The following GMDS variants were observed in gnomAD, a reference collection of about 807,000 sequenced individuals.
GMDS encodes the protein GDP-mannose 4,6-dehydratase, also known as GDP-mannose 4,6 dehydratase.
Under a neutral mutation model 49.9 loss-of-function variants are expected in GMDS, and 20 were observed. The observed-to-expected ratio is 0.40, with a 90% confidence interval of 0.28 to 0.58. The LOEUF is 0.58. Among genes scored for constraint, GMDS ranks in the 20% least tolerant of loss-of-function variants. GMDS has a pLI of 0.42. For synonymous variants in GMDS, 177 were observed against 178.6 expected, an observed-to-expected ratio of 0.99 and a Z score of 0.07; for missense variants, 362 against 481.4, an observed-to-expected ratio of 0.75 and a Z score of 2.32.
intron 7 of GMDS, among the ~76,000 whole-genome samples, chr6:1,807,866 C>A (rs1770246854): frequency 6.6e-6 from 1 of 152,172 alleles, no homozygotes; most frequent in Admixed American, 6.5e-5. Context: ...GCACAAAAAT[C>A]ACTAACCATG....
At chr6:2,180,448 A>T (rs770409607) in intron 1 of GMDS, among the ~76,000 whole-genome samples, 30 of 152,240 alleles carry the variant, frequency 2.0e-4, no homozygotes, top group Non-Finnish European at 4.1e-4. Context: ...ACTAAGAAAA[A>T]AATGGTTAGC....
intron 7 of GMDS, among the ~76,000 whole-genome samples, chr6:1,834,780 A>G (rs1321462074): frequency 6.6e-6 from 1 of 152,196 alleles, no homozygotes; most frequent in African/African-American, 2.4e-5. Flanking sequence ...AATTAATGTG[A>G]CATTACTCGA....
intron 8 of GMDS, among the ~76,000 whole-genome samples, chr6:1,740,808 C>T (rs1767239780): frequency 6.6e-6 from 1 of 152,050 alleles, no homozygotes; most frequent in Non-Finnish European, 1.5e-5. Flanking sequence ...TATCTATATG[C>T]TATTTTCCAA....
intron 4 of GMDS, among the ~76,000 whole-genome samples, chr6:1,974,962 C>T (rs1434842441): frequency 6.6e-6 from 1 of 151,254 alleles, no homozygotes. Flanking sequence ...TGCTTGAACC[C>T]AGGAGGCAGA....
intron 7 of GMDS, among the ~76,000 whole-genome samples, chr6:1,880,690 C>T (rs772849562): frequency 4.6e-5 from 7 of 152,114 alleles, no homozygotes; most frequent in African/African-American, 9.7e-5. Context: ...TGAAAGCAGA[C>T]GAGCAATATA....
At chr6:1,683,689 C>T (rs1413395970) in intron 9 of GMDS, among the ~76,000 whole-genome samples, 1 of 152,172 alleles carries the variant, frequency 6.6e-6, no homozygotes, top group African/African-American at 2.4e-5. Flanking sequence ...GTGCTTTTGT[C>T]TCACTTGTGT....
At chr6:1,956,491 T>G (rs1395198333) in intron 6 of GMDS, among the ~76,000 whole-genome samples, 1 of 152,144 alleles carries the variant, frequency 6.6e-6, no homozygotes, top group Non-Finnish European at 1.5e-5. Flanking sequence ...CCTTTGACAA[T>G]TACACTTTGT....
intron 9 of GMDS, among the ~76,000 whole-genome samples, chr6:1,701,002 G>A (rs879334191): frequency 7.2e-5 from 11 of 152,196 alleles, no homozygotes; most frequent in Non-Finnish European, 1.6e-4. Context: ...TGATGATGCC[G>A]CCGGGGTGAC....
intron 7 of GMDS, among the ~76,000 whole-genome samples, chr6:1,830,921 G>A (rs1380861939): frequency 6.6e-6 from 1 of 152,184 alleles, no homozygotes; most frequent in African/African-American, 2.4e-5. Flanking sequence ...AGAAAATGTA[G>A]TCCTTCCATT....
At chr6:1,738,548 A>G (rs1581529946) in intron 8 of GMDS, among the ~76,000 whole-genome samples, 1 of 152,376 alleles carries the variant, frequency 6.6e-6, no homozygotes, top group South Asian at 2.1e-4. Flanking sequence ...AAATGGGAAG[A>G]GACAGCAGAG....
At chr6:1,726,572 G>A (rs1766600147) in intron 8 of GMDS, 60 bp from the exon 9 acceptor site, 1 of 1,260,150 alleles carries the variant, frequency 7.9e-7, no homozygotes, top group Non-Finnish European at 1.2e-6. Flanking sequence ...TGGCCATGCT[G>A]TAGCACCTTG....
At chr6:2,172,301 CAAAAT>C (rs1280823747) in intron 1 of GMDS, among the ~76,000 whole-genome samples, 1 of 152,036 alleles carries the variant, frequency 6.6e-6, no homozygotes, top group African/African-American at 2.4e-5. Context: ...GAACACAAGA[CAAAAT>C]AGAATTCAAG....
chr6:1,772,321 T>C (rs986852808), intron 7 of GMDS, among the ~76,000 whole-genome samples: 1 of 152,196 alleles, frequency 6.6e-6, no homozygotes, highest in African/African-American at 2.4e-5. Context: ...TTGTAGTATG[T>C]GTGGAGAAAT....
chr6:2,184,705 T>C (rs1197637060), intron 1 of GMDS, among the ~76,000 whole-genome samples: 1 of 152,260 alleles, frequency 6.6e-6, no homozygotes, highest in African/African-American at 2.4e-5. Flanking sequence ...TAAAAAATTT[T>C]CTTTTAAAAA....
intron 9 of GMDS, among the ~76,000 whole-genome samples, chr6:1,641,418 A>G (rs79384042): frequency 6.6e-6 from 1 of 152,248 alleles, no homozygotes; most frequent in Non-Finnish European, 1.5e-5. Context: ...ACAGGAAAAA[A>G]GCTTTATCTT....
rs543577735 is a variant in GMDS, at chr6:1,642,153, CTTTTTTTTTT to C, written c.988-17623_988-17614del. Among the ~76,000 whole-genome samples the C allele has an allele frequency of 7.0e-3, 771 of 110,798 alleles. 7 individuals are homozygous for C. The highest frequency in any genetic ancestry group is 0.026 in the African/African-American group (752 of 28,888). 72.7% of individuals were successfully genotyped at this position (110,798 alleles called of 152,430 possible). A position where few individuals can be genotyped will look rare whatever the true frequency, so the allele number is the denominator to read the frequency against. On this transcript the variant is annotated intron_variant, in intron 9 of 10. Coordinates refer to ENST00000380815, the MANE Select transcript of GMDS (RefSeq NM_001500.4). ...CTCTTGAAATCTGGGCAGTTTCCATCTTTTTTTTTTTTTTTTTTTTTTTTTAAGAAAAAAA... is the reference window on the plus strand; with the variant it reads ...CTCTTGAAATCTGGGCAGTTTCCATCTTTTTTTTTTTTTTTAAGAAAAAAA...
At chr6:1,697,734 T>C (rs1029662839) in intron 9 of GMDS, among the ~76,000 whole-genome samples, 1 of 152,160 alleles carries the variant, frequency 6.6e-6, no homozygotes, top group Non-Finnish European at 1.5e-5. Flanking sequence ...TTCTGATGCT[T>C]GTGCAAGTCT....
At chr6:1,964,646 T>C (rs574656216) in intron 4 of GMDS, among the ~76,000 whole-genome samples, 14 of 152,326 alleles carry the variant, frequency 9.2e-5, no homozygotes, top group Admixed American at 4.6e-4. Flanking sequence ...TTTTCACTTA[T>C]GCTAGGGAAT....
intron 9 of GMDS, among the ~76,000 whole-genome samples, chr6:1,665,032 A>G (rs1025210930): frequency 1.3e-5 from 2 of 152,186 alleles, no homozygotes; most frequent in Non-Finnish European, 2.9e-5. Flanking sequence ...ACAGAGTATG[A>G]CTGGTGGAAG....
Sources: gnomAD v4.1 joint callset for allele counts (sites outside exome capture counted in the v4.1 genomes callset) on GRCh38, gnomAD v4.1.1 for gene constraint, MANE v1.5 for transcripts, NCBI Gene and HGNC (gene_info 2026-07-23, HGNC 2026-07-21) for gene names.